Variants in NDUFAF1 observed in about 807,000 individuals in gnomAD.
The protein encoded by NDUFAF1 is NADH:ubiquinone oxidoreductase complex assembly factor 1.
In NDUFAF1, 18 loss-of-function variants were observed where a neutral mutation model predicts 28.7. The observed-to-expected ratio is 0.63, with a 90% CI of 0.43 to 0.93. The LOEUF (loss-of-function observed/expected upper bound fraction) is 0.93. Among genes scored for constraint, NDUFAF1 ranks in the 40% least tolerant of loss-of-function variants. The pLI is 0.00. For synonymous variants in NDUFAF1, 113 were observed against 139.7 expected, an observed-to-expected ratio of 0.81 and a Z score of 1.35; for missense variants, 404 against 398.3, an observed-to-expected ratio of 1.01 and a Z score of -0.12.
intron 1 of NDUFAF1, among the ~76,000 whole-genome samples, chr15:41,401,810 G>A (rs1390087688): frequency 6.6e-6 from 1 of 152,136 alleles, no homozygotes; most frequent in Non-Finnish European, 1.5e-5. Flanking sequence ...AGGGAACCAG[G>A]AAAAATTAAC....
At chr15:41,387,788 C>A (rs1288801401) in intron 4 of NDUFAF1, among the ~76,000 whole-genome samples, 195 bp from the exon 5 acceptor site, 1 of 152,088 alleles carries the variant, frequency 6.6e-6, no homozygotes, top group African/African-American at 2.4e-5. Flanking sequence ...CATTCAACTT[C>A]CTCCCCTCTC....
At chr15:41,392,429 C>T (rs975739411) in intron 3 of NDUFAF1, among the ~76,000 whole-genome samples, 3 of 152,098 alleles carry the variant, frequency 2.0e-5, no homozygotes, top group Non-Finnish European at 4.4e-5. Context: ...TATGGTTTGG[C>T]TGTCTCCCCA....
At chr15:41,393,291 A>ATTTT (rs911259285) in intron 3 of NDUFAF1, among the ~76,000 whole-genome samples, 7 of 93,658 alleles carry the variant, frequency 7.5e-5, no homozygotes, top group Non-Finnish European at 6.2e-5. Context: ...TGCCCGGCTA[A>ATTTT]TTTTTTTTTT....
At chr15:41,389,988 C>T (rs1414830128) in intron 3 of NDUFAF1, among the ~76,000 whole-genome samples, 1 of 151,798 alleles carries the variant, frequency 6.6e-6, no homozygotes, top group Non-Finnish European at 1.5e-5. Context: ...GAGACAGGGT[C>T]TTACTCTGTC....
At chr15:41,394,429 A>C (rs761689310) in intron 3 of NDUFAF1, 2 of 1,255,338 alleles carry the variant, frequency 1.6e-6, no homozygotes, top group Non-Finnish European at 2.1e-6. Flanking sequence ...CAGAGCAGAG[A>C]TGTGCCTGTG....
intron 1 of NDUFAF1, among the ~76,000 whole-genome samples, chr15:41,401,615 A>T (rs932262763): frequency 6.7e-6 from 1 of 149,892 alleles, no homozygotes; most frequent in African/African-American, 2.5e-5. Context: ...TAGTAGAGAC[A>T]GGGTTTCACC....
At chr15:41,392,745 G>A (rs1595632806) in intron 3 of NDUFAF1, among the ~76,000 whole-genome samples, 1 of 152,084 alleles carries the variant, frequency 6.6e-6, no homozygotes, top group East Asian at 1.9e-4. Flanking sequence ...CCTAGTCTCA[G>A]GTATTTCTTC....
In NDUFAF1 at chr15:41,395,577, A is replaced by G. The variant is rs867105481; in HGVS notation, c.574-533T>C. ...AGTAGAGACGGGGTTTCACCGTGTT[A>G]GCCAGGATGGTCTCGATCTCCTGAC... On this transcript the variant is annotated intron_variant, in intron 2 of 4. Coordinates refer to ENST00000260361, the MANE Select transcript of NDUFAF1 (RefSeq NM_016013.4). 1.8e-4 allele frequency among the ~76,000 whole-genome samples: 27 copies of G among 149,218 alleles called. No homozygotes were observed. In the South Asian group the frequency reaches 2.2e-3, roughly 12 times the overall value.
chr15:41,395,169 A>G (rs1418472105), intron 2 of NDUFAF1, 125 bp from the exon 3 acceptor site: 5 of 803,344 alleles, frequency 6.2e-6, no homozygotes, highest in Admixed American at 4.0e-5. Context: ...GCCCCATAAG[A>G]AGGCACATAA....
chr15:41,400,541 G>A (rs1466247940), intron 1 of NDUFAF1, among the ~76,000 whole-genome samples: 1 of 147,576 alleles, frequency 6.8e-6, no homozygotes, highest in Non-Finnish European at 1.5e-5. Flanking sequence ...TTTCTTTTTT[G>A]AGACAGAGTC....
intron 4 of NDUFAF1, among the ~76,000 whole-genome samples, chr15:41,387,939 G>A (rs879665567): frequency 7.9e-5 from 12 of 152,162 alleles, no homozygotes; most frequent in Admixed American, 2.0e-4. Flanking sequence ...GTAAAACCTC[G>A]TCTCTACTAA....
chr15:41,395,926 A>G (rs2050381209), intron 2 of NDUFAF1, among the ~76,000 whole-genome samples: 1 of 151,678 alleles, frequency 6.6e-6, no homozygotes, highest in African/African-American at 2.4e-5. Context: ...TGTCTCTACT[A>G]AAAATACAAA....
At chr15:41,399,496 G>A (rs1360361400) in intron 1 of NDUFAF1, among the ~76,000 whole-genome samples, 1 of 151,344 alleles carries the variant, frequency 6.6e-6, no homozygotes, top group East Asian at 2.0e-4. Context: ...GGCAGAGGCT[G>A]CAATGAGCCA....
At chr15:41,396,385 G>T in intron 2 of NDUFAF1, 102 bp downstream of exon 2, 1 of 1,142,376 alleles carries the variant, frequency 8.8e-7, no homozygotes, top group Non-Finnish European at 1.3e-6. Flanking sequence ...TAACATGCCA[G>T]GTGTTTTCAT....
chr15:41,396,101 G>A (rs1418037043), intron 2 of NDUFAF1, among the ~76,000 whole-genome samples: 2 of 150,044 alleles, frequency 1.3e-5, no homozygotes, highest in Admixed American at 6.7e-5. Flanking sequence ...AAAAAAAAAA[G>A]AAAGCCACAG....
chr15:41,397,702 A>G (rs187335966), intron 1 of NDUFAF1, among the ~76,000 whole-genome samples: 1,624 of 149,838 alleles, frequency 0.011, 46 homozygotes, highest in African/African-American at 0.038. Flanking sequence ...GGGAGGCTGA[A>G]GCAGGAGAAT....
rs1301534974 is a variant in NDUFAF1, at chr15:41,392,064, TTC to T, written c.759+2793_759+2794del. Among the ~76,000 whole-genome samples, 408 of 145,480 alleles carry T rather than the reference TTC, an allele frequency of 2.8e-3. 3 individuals carry two copies. The highest frequency in any genetic ancestry group is 9.9e-3 in the African/African-American group (394 of 39,710). On this transcript the variant is annotated intron_variant, in intron 3 of 4. Transcript: ENST00000260361. ...GCCATGTGCAGGAGTTTGGACTTTATTCTTTTTTTTTTTTTTTTTTTTTCTTG... is the reference window on the plus strand; with the variant it reads ...GCCATGTGCAGGAGTTTGGACTTTATTTTTTTTTTTTTTTTTTTTTTCTTG...
At chr15:41,397,713 A>G (rs1033912696) in intron 1 of NDUFAF1, among the ~76,000 whole-genome samples, 22 of 150,304 alleles carry the variant, frequency 1.5e-4, no homozygotes, top group Admixed American at 1.3e-4. Context: ...GCAGGAGAAT[A>G]GCGTCAACCC....
chr15:41,401,164 C>T (rs536270235), intron 1 of NDUFAF1, among the ~76,000 whole-genome samples: 5 of 151,376 alleles, frequency 3.3e-5, no homozygotes, highest in Non-Finnish European at 7.4e-5. Context: ...GATGAGGTTC[C>T]ACTATGTTGG....
Sources: gnomAD v4.1 joint callset for allele counts (sites outside exome capture counted in the v4.1 genomes callset) on GRCh38, gnomAD v4.1.1 for gene constraint, MANE v1.5 for transcripts, NCBI Gene and HGNC (gene_info 2026-07-23, HGNC 2026-07-21) for gene names.